The following COL2A1 variants were observed in gnomAD, a reference collection of about 807,000 sequenced individuals.
The protein encoded by COL2A1 is collagen alpha-1(II) chain.
COL2A1 carries 28 observed loss-of-function variants against 204.5 expected under a neutral mutation model. The ratio of observed to expected loss-of-function variants is 0.14; its 90% CI spans 0.10 to 0.19. COL2A1 has a LOEUF of 0.19. Among genes scored for constraint, COL2A1 ranks in the 10% least tolerant of loss-of-function variants. The pLI, the probability that COL2A1 is intolerant of heterozygous loss-of-function variation, is 1.00. For synonymous variants in COL2A1, 708 were observed against 718.7 expected (o/e 0.99, Z 0.24); for missense variants, 1,388 against 2,027.5 (o/e 0.68, Z 6.06).
At chr12:47,988,867 C>G (rs976636395) in intron 18 of COL2A1, among the ~76,000 whole-genome samples, 4 of 152,238 alleles carry the variant, frequency 2.6e-5, no homozygotes, top group African/African-American at 9.6e-5. Context: ...CCCGTCAGGG[C>G]CCCGAGCTTG....
intron 33 of COL2A1, 54 bp downstream of exon 33, chr12:47,982,794 C>A: frequency 6.7e-7 from 1 of 1,489,866 alleles, no homozygotes; most frequent in South Asian, 1.1e-5. Context: ...TCTCCCTGCT[C>A]AGTGGGACTC....
In COL2A1 at chr12:47,985,730, G is replaced by A. The variant is rs757693116; in HGVS notation, c.1678C>T (p.Arg560Trp). 5 of 1,613,752 alleles carry A rather than the reference G, an allele frequency of 3.1e-6. No homozygotes were observed. Among genetic ancestry groups the A allele is most frequent in the South Asian group, 1.1e-5 (1 of 91,072 alleles). ...GCAACAGCAGCTCTGCTACTTACCCGGGCTCCAGGAAGGCCAGGTTCTCCA... is the reference window on the plus strand; with the variant it reads ...GCAACAGCAGCTCTGCTACTTACCCAGGCTCCAGGAAGGCCAGGTTCTCCA... ...RPGEPGLPGA[R>W]GLTGRPGDAG... The change falls in exon 25 of 54, where the codon CGG becomes TGG. Residue 560 changes from arginine to tryptophan, a missense_variant and splice_region_variant. Physicochemically the swap from Arg to Trp is moderately radical, Grantham distance 101. This residue lies in a region of COL2A1 where 884 missense variants were observed against 1,415.8 expected (regional missense o/e 0.62). Coordinates refer to ENST00000380518, the MANE Select transcript of COL2A1 (RefSeq NM_001844.5).
rs1200638494 is a variant in COL2A1, at chr12:47,987,838, T to C, written c.1123-129A>G. 6.9e-6 allele frequency: 5 copies of C among 727,906 alleles called. No homozygotes were observed. Among genetic ancestry groups the C allele is most frequent in the East Asian group, 2.7e-5 (1 of 37,108 alleles). The allele number at this position is 727,906 out of a possible 1,614,324, so 45.1% of individuals were successfully genotyped here. Reference sequence around the variant, plus strand: ...ATGCACATGCACCCAACCCTGCACATGAACATGTGCGTTCACACACAGTTC... The same window carrying C: ...ATGCACATGCACCCAACCCTGCACACGAACATGTGCGTTCACACACAGTTC... On this transcript the variant is annotated intron_variant, in intron 18 of 53. Transcript: ENST00000380518. The surrounding 1 kb of genome is among the most constrained non-coding windows in gnomAD (Gnocchi z 4.1).
chr12:47,987,519 G>T lies in COL2A1; in HGVS notation c.1221+92C>A. On this transcript the variant is annotated intron_variant, in intron 19 of 53. Transcript: ENST00000380518. This position sits in a 1 kb window ranked among gnomAD's most constrained non-coding sequence, Gnocchi z 4.1. ...GGGCCAGAATGAAGGTTTGGTGGTT[G>T]GAGCCCACAACTGTCAGAGCAAAGT... 1 of 1,221,294 alleles carries T rather than the reference G, an allele frequency of 8.2e-7. No homozygotes were observed. The highest frequency in any genetic ancestry group is 1.2e-6 in the Non-Finnish European group (1 of 846,384). 75.7% of individuals were successfully genotyped at this position (1,221,294 alleles called of 1,614,324 possible).
At chr12:47,989,543 T>G (rs572600550) in intron 17 of COL2A1, among the ~76,000 whole-genome samples, 1 of 152,334 alleles carries the variant, frequency 6.6e-6, no homozygotes, top group East Asian at 1.9e-4. Context: ...CTAAAAAGAC[T>G]GCTGAAAGGA....
At position 47,995,851 on chromosome 12, in the gene COL2A1, G is replaced by A. The variant is rs1223665429; in HGVS notation, c.654+24C>T. Reference sequence around the variant, plus strand: ...GGGAATCATCTGCGACACGATGGAGGCAAAAAGAATTGCAGATACTTACAG... The same window carrying A: ...GGGAATCATCTGCGACACGATGGAGACAAAAAGAATTGCAGATACTTACAG... On this transcript the variant is annotated intron_variant, in intron 9 of 53. Coordinates refer to ENST00000380518, the MANE Select transcript of COL2A1 (RefSeq NM_001844.5). The A allele has an allele frequency of 1.9e-6, 3 of 1,610,006 alleles. No homozygotes were observed. In the African/African-American group the frequency reaches 4.0e-5, roughly 21 times the overall value.
At chr12:47,984,460 A>G in intron 28 of COL2A1, 86 bp downstream of exon 28, 1 of 1,398,782 alleles carries the variant, frequency 7.1e-7, no homozygotes, top group Non-Finnish European at 1.0e-6. Flanking sequence ...GGGTCCCGGG[A>G]CCATGCCATG....
rs1439821843 is a variant in COL2A1, at chr12:47,978,684, G to T, written c.2808C>A (p.Gly936=). 8 of 1,613,280 alleles carry T rather than the reference G, an allele frequency of 5.0e-6. No individual in the cohort carries two copies. Among genetic ancestry groups the T allele is most frequent in the Non-Finnish European group, 5.9e-6 (7 of 1,179,984 alleles). The part of the protein sequence containing the change: ...DGPKGARGDS[G]PPGRAGEPGL... Reference sequence around the variant, plus strand: ...CGGGTTCACCAGCTCGGCCAGGGGGGCCGCTGTCTCCTCGAGCACCTTTGG... The same window carrying T: ...CGGGTTCACCAGCTCGGCCAGGGGGTCCGCTGTCTCCTCGAGCACCTTTGG... The change falls in exon 42 of 54, where the codon GGC becomes GGA. Residue 936 remains glycine, a synonymous_variant. Transcript: ENST00000380518. This position sits in a 1 kb window ranked among gnomAD's most constrained non-coding sequence, Gnocchi z 5.5.
rs1938532281 is a variant in COL2A1, at chr12:47,973,426, C to T, written c.4445G>A (p.Gly1482Glu). ...AGGTTTTTACAAGAAGCAGACCGGC[C>T]CTATGTCCACACCGAATTCCTGCTC... ...GPEQEFGVDI[G>E]PVCFL is the part of the protein sequence containing the mutation. The change falls in exon 54 of 54, where the codon GGG becomes GAG. Residue 1482 changes from glycine to glutamate, a missense_variant. Physicochemically the swap from Gly to Glu is moderately conservative, Grantham distance 98 (BLOSUM62 -2). This residue lies in a region of COL2A1 where 303 missense variants were observed against 369.2 expected (regional missense o/e 0.82). Transcript: ENST00000380518. The T allele has an allele frequency of 6.2e-7, 1 of 1,614,086 alleles. No individual in the cohort carries two copies. The highest frequency in any genetic ancestry group is 8.5e-7 in the Non-Finnish European group (1 of 1,180,024).
chr12:47,976,435 C>A lies in COL2A1; in HGVS notation c.3489+79G>T, dbSNP rs1299889906. 7.3e-6 allele frequency: 11 copies of A among 1,497,264 alleles called. No homozygotes were observed. Among genetic ancestry groups the A allele is most frequent in the Non-Finnish European group, 1.0e-5 (11 of 1,074,522 alleles). The allele number at this position is 1,497,264 out of a possible 1,614,324, so 92.7% of individuals were successfully genotyped here. On this transcript the variant is annotated intron_variant, in intron 49 of 53. Transcript: ENST00000380518. This position sits in a 1 kb window ranked among gnomAD's most constrained non-coding sequence, Gnocchi z 4.3. ...GAGCCCACAGCTTCCCCAGAAGCAGCAGCATTTCCCTCCCCATGGGAACAC... is the reference window on the plus strand; with the variant it reads ...GAGCCCACAGCTTCCCCAGAAGCAGAAGCATTTCCCTCCCCATGGGAACAC...
At position 47,993,511 on chromosome 12, in the gene COL2A1, A is replaced by T; in HGVS notation, c.925-9T>A. The T allele has an allele frequency of 6.2e-7, 1 of 1,613,302 alleles. No individual in the cohort carries two copies. The highest frequency in any genetic ancestry group is 1.7e-4 in the Middle Eastern group (1 of 6,054). ...GGGGAACCACTCTCACCCTGGAAAA[A>T]TGATGCACAAGGTCAGTGTCTGGGA... On this transcript the variant is annotated splice_polypyrimidine_tract_variant and intron_variant, in intron 14 of 53. Coordinates refer to ENST00000380518, the MANE Select transcript of COL2A1 (RefSeq NM_001844.5).
chr12:47,989,853 C>T (rs1445551206), intron 16 of COL2A1, 48 bp from the exon 17 acceptor site: 2 of 1,575,820 alleles, frequency 1.3e-6, no homozygotes, highest in Non-Finnish European at 1.7e-6. Flanking sequence ...CAGGCCCTGT[C>T]CGTCCCTGCT....
chr12:47,996,577 C>T lies in COL2A1; in HGVS notation c.580G>A (p.Ala194Thr), dbSNP rs371445823. The change falls in exon 8 of 54, where the codon GCC becomes ACC. Residue 194 changes from alanine to threonine, a missense_variant. By Grantham distance (58) the Ala-to-Thr change is moderately conservative (BLOSUM62 0). Coordinates refer to ENST00000380518, the MANE Select transcript of COL2A1 (RefSeq NM_001844.5). ...GGTCCTTGCATTACTCCCAACTGGGCGCCACCAGCCTTTTCATCAAATCCT... is the reference window on the plus strand; with the variant it reads ...GGTCCTTGCATTACTCCCAACTGGGTGCCACCAGCCTTTTCATCAAATCCT... ...AGGFDEKAGG[A>T]QLGVMQGPMG... 2.4e-5 allele frequency: 39 copies of T among 1,614,086 alleles called. No homozygotes were observed. Among genetic ancestry groups the T allele is most frequent in the African/African-American group, 8.0e-5 (6 of 74,942 alleles).
At position 47,975,485 on chromosome 12, in the gene COL2A1, G is replaced by T. The variant is rs374082762; in HGVS notation, c.3718C>A (p.Arg1240=). 5 of 1,613,394 alleles carry T rather than the reference G, an allele frequency of 3.1e-6. No homozygotes were observed. Among genetic ancestry groups the T allele is most frequent in the Non-Finnish European group, 4.2e-6 (5 of 1,180,034 alleles). ...AGGCCACCGGCTGCCTGGTCGGCCC[G>T]CATGTACTGCAGGGGGTCGGGGCCC... The part of the protein sequence containing the change: ...EKGPDPLQYM[R]ADQAAGGLRQ... Residue 1240 remains arginine (R), a synonymous_variant, in exon 51 of 54, where the codon CGG becomes AGG. Coordinates refer to ENST00000380518, the MANE Select transcript of COL2A1 (RefSeq NM_001844.5).
At chr12:48,000,954 C>T (rs1940205540) in intron 1 of COL2A1, 1 of 152,318 alleles carries the variant, frequency 6.6e-6, no homozygotes, top group South Asian at 2.1e-4. Context: ...AAAACAGCAC[C>T]CCAGTTTGGG....
rs1938654779 is a variant in COL2A1, at chr12:47,975,460, A to G, written c.3743T>C (p.Leu1248Pro). 1.2e-6 allele frequency: 2 copies of G among 1,613,958 alleles called. No homozygotes were observed. The highest frequency in any genetic ancestry group is 2.2e-5 in the South Asian group (2 of 91,088). Reference protein sequence around the residue: ...YMRADQAAGGLRQHDAEVDAT... With the variant: ...YMRADQAAGGPRQHDAEVDAT... The stretch of plus-strand genomic sequence containing the variant: ...ATCCACCTCGGCGTCATGCTGTCTC[A>G]GGCCACCGGCTGCCTGGTCGGCCCG... The change falls in exon 51 of 54, where the codon CTG becomes CCG. Residue 1248 changes from leucine to proline, a missense_variant. By Grantham distance (98) the Leu-to-Pro change is moderately conservative (BLOSUM62 -3). Around this residue, in one of 3 missense-constraint regions of COL2A1, gnomAD observed 303 missense variants for 369.2 expected, o/e 0.82. Transcript: ENST00000380518.
intron 44 of COL2A1, 105 bp downstream of exon 44, chr12:47,977,905 C>G (rs1308358724): frequency 8.7e-7 from 1 of 1,145,346 alleles, no homozygotes; most frequent in Non-Finnish European, 1.3e-6. Flanking sequence ...ACTGCCACCC[C>G]CTTCTCCAGG....
In COL2A1 at chr12:47,983,672, C is replaced by T. The variant is rs563929551; in HGVS notation, c.1995+11G>A. The T allele has an allele frequency of 5.6e-6, 9 of 1,595,702 alleles. No individual in the cohort carries two copies. In the African/African-American group the frequency reaches 1.2e-4, roughly 21 times the overall value. On this transcript the variant is annotated intron_variant, in intron 30 of 53. Transcript: ENST00000380518. The stretch of plus-strand genomic sequence containing the variant: ...AAAGGACTGCACAGAGAGCCTGGTC[C>T]AGCCACCTACCTGGAACCCAGATGG...
intron 23 of COL2A1, 75 bp downstream of exon 23, chr12:47,986,261 A>C: frequency 9.8e-7 from 1 of 1,019,556 alleles, no homozygotes. Context: ...CTTGACCAGA[A>C]CACGGACCAC....
Sources: allele counts gnomAD v4.1 joint callset (sites outside exome capture counted in the v4.1 genomes callset), GRCh38; gene constraint gnomAD v4.1.1; regional missense constraint gnomAD v4.1.1; non-coding constraint Gnocchi (gnomAD v3.1); transcripts MANE v1.5; gene names NCBI Gene and HGNC (gene_info 2026-07-23, HGNC 2026-07-21).